PKIB: variants seen among roughly 807,000 people sequenced by gnomAD.
The protein encoded by PKIB is PKI-beta.
A neutral mutation model predicts 4.5 loss-of-function variants in PKIB; 2 were observed. The ratio of observed to expected loss-of-function variants is 0.44; its 90% CI spans 0.18 to 1.39. The LOEUF is 1.39. Ranked by LOEUF, PKIB falls within the 40% of genes most tolerant of loss-of-function variation. The pLI, the probability that PKIB is intolerant of heterozygous loss-of-function variation, is 0.27. For missense variants in PKIB, 94 were observed against 92.6 expected (o/e 1.02, Z -0.06); for synonymous variants, 38 against 36.0 (o/e 1.06, Z -0.20).
chr6:122,603,957 G>C (rs1774451339), intron 3 of PKIB, among the ~76,000 whole-genome samples: 1 of 152,174 alleles, frequency 6.6e-6, no homozygotes, highest in Non-Finnish European at 1.5e-5. Context: ...GTGGGAGAAT[G>C]GTTAGTGTGT....
intron 2 of PKIB, among the ~76,000 whole-genome samples, chr6:122,526,864 A>AT (rs1777105487): frequency 6.6e-6 from 1 of 152,038 alleles, no homozygotes; most frequent in Non-Finnish European, 1.5e-5. Context: ...AGAGTCAGTG[A>AT]TTTTCTCCTT....
At chr6:122,722,904 T>G (rs137882996) in intron 4 of PKIB, among the ~76,000 whole-genome samples, 338 of 152,292 alleles carry the variant, frequency 2.2e-3, no homozygotes, top group African/African-American at 7.6e-3. Flanking sequence ...ATCACCCCAC[T>G]GCTATTTCAA....
intron 2 of PKIB, among the ~76,000 whole-genome samples, chr6:122,525,973 A>G (rs1399214380): frequency 6.6e-6 from 1 of 152,212 alleles, no homozygotes; most frequent in African/African-American, 2.4e-5. Context: ...CTGATTTATC[A>G]ACTATGTTTA....
At chr6:122,597,771 T>C (rs1038666656) in intron 3 of PKIB, among the ~76,000 whole-genome samples, 1 of 152,196 alleles carries the variant, frequency 6.6e-6, no homozygotes, top group Non-Finnish European at 1.5e-5. Flanking sequence ...AGGGAGCCAA[T>C]GTGGGAGTTC....
chr6:122,685,126 T>G (rs558138895), intron 3 of PKIB, among the ~76,000 whole-genome samples: 3 of 152,278 alleles, frequency 2.0e-5, no homozygotes, highest in African/African-American at 7.2e-5. Flanking sequence ...AGGAACTGGA[T>G]CCTATCACTA....
intron 3 of PKIB, among the ~76,000 whole-genome samples, chr6:122,695,562 G>A (rs974529992): frequency 1.3e-5 from 2 of 152,022 alleles, no homozygotes; most frequent in Non-Finnish European, 2.9e-5. Context: ...GTGAATATGC[G>A]GTTCAAAGAA....
chr6:122,673,379 T>C (rs1777541079), intron 2 of PKIB, among the ~76,000 whole-genome samples: 1 of 152,212 alleles, frequency 6.6e-6, no homozygotes, highest in African/African-American at 2.4e-5. Context: ...ATCATGTCTT[T>C]TAGGTGTGTA....
chr6:122,519,932 C>T lies in PKIB; in HGVS notation c.-248+41993C>T, dbSNP rs576895770. Among the ~76,000 whole-genome samples, 106 of 152,280 alleles carry T rather than the reference C, an allele frequency of 7.0e-4. 1 individual carries two copies. Among genetic ancestry groups the T allele is most frequent in the African/African-American group, 2.5e-3 (103 of 41,558 alleles). ...ATACCCTAATCTTTTCTTCCTCCAG[C>T]TTTTCACTGAACTGTTGGCATTTTT... On this transcript the variant is annotated intron_variant, in intron 2 of 6. Coordinates refer to the PKIB transcript ENST00000392491.
chr6:122,715,635 C>A (rs1302086962), intron 3 of PKIB, among the ~76,000 whole-genome samples: 1 of 133,682 alleles, frequency 7.5e-6, no homozygotes, highest in Non-Finnish European at 1.7e-5. Flanking sequence ...TATTTCATCA[C>A]TCAGGTATTT....
intron 2 of PKIB, among the ~76,000 whole-genome samples, chr6:122,556,063 T>C (rs78681431): frequency 1.3e-3 from 202 of 152,234 alleles, no homozygotes; most frequent in African/African-American, 4.7e-3. Flanking sequence ...CCCCACGTGT[T>C]GGGGAAGGCA....
chr6:122,606,470 G>A (rs1774538295), upstream of PKIB, among the ~76,000 whole-genome samples: 1 of 151,760 alleles, frequency 6.6e-6, no homozygotes, highest in Admixed American at 6.6e-5. Flanking sequence ...TACTTGGGAG[G>A]CTGAGGCAGG....
At position 122,584,923 on chromosome 6, in the gene PKIB, T is replaced by C. The variant is rs1773807524; in HGVS notation, c.-247-998T>C. 2.0e-5 allele frequency among the ~76,000 whole-genome samples: 3 copies of C among 152,052 alleles called. No homozygotes were observed. The South Asian group carries it at 6.2e-4, about 32-fold the overall frequency. ...AAGACAAGCCCACCAATGTGCCATG[T>C]CAGTTTACCATTGCCATGGCAACAT... On this transcript the variant is annotated intron_variant, in intron 2 of 6. Transcript: ENST00000392491.
intron 1 of PKIB, among the ~76,000 whole-genome samples, chr6:122,621,886 A>G (rs2114790923): frequency 6.6e-6 from 1 of 152,262 alleles, no homozygotes. Flanking sequence ...AGTAAAGGAT[A>G]TTAGAGGAAA....
At chr6:122,488,111 T>C (rs1261863500) in intron 2 of PKIB, among the ~76,000 whole-genome samples, 1 of 152,154 alleles carries the variant, frequency 6.6e-6, no homozygotes, top group Non-Finnish European at 1.5e-5. Flanking sequence ...TCTCAATATG[T>C]TCTTATTATG....
At chr6:122,561,721 T>A (rs915454090) in intron 2 of PKIB, among the ~76,000 whole-genome samples, 1 of 152,062 alleles carries the variant, frequency 6.6e-6, no homozygotes, top group Admixed American at 6.5e-5. Flanking sequence ...TTGTCTGATA[T>A]AAGAAGAGCT....
chr6:122,499,887 C>CA (rs981107503), intron 2 of PKIB, among the ~76,000 whole-genome samples: 6 of 152,022 alleles, frequency 3.9e-5, no homozygotes, highest in African/African-American at 1.4e-4. Flanking sequence ...AATTTATGTA[C>CA]AAAAATCAGT....
chr6:122,559,556 TG>T (rs147364933), intron 2 of PKIB, among the ~76,000 whole-genome samples: 17,164 of 151,980 alleles, frequency 0.11, 1,220 homozygotes, highest in East Asian at 0.21. Flanking sequence ...ATTTTAGAAT[TG>T]TTTTTTTTCT....
chr6:122,584,519 C>T (rs905645517), intron 2 of PKIB, among the ~76,000 whole-genome samples: 1 of 151,990 alleles, frequency 6.6e-6, no homozygotes, highest in Non-Finnish European at 1.5e-5. Flanking sequence ...GGATTCTTTT[C>T]CACTGCATTC....
intron 1 of PKIB, among the ~76,000 whole-genome samples, chr6:122,627,986 T>C (rs1269185070): frequency 6.6e-6 from 1 of 152,018 alleles, no homozygotes; most frequent in Non-Finnish European, 1.5e-5. Context: ...GGGATTAACA[T>C]ATATACTTTT....
Sources: allele counts gnomAD v4.1 joint callset (sites outside exome capture counted in the v4.1 genomes callset), GRCh38; gene constraint gnomAD v4.1.1; transcripts MANE v1.5; gene names NCBI Gene and HGNC (gene_info 2026-07-23, HGNC 2026-07-21).